Variants in LITAF observed in about 807,000 individuals in gnomAD.
The protein encoded by LITAF is lipopolysaccharide induced TNF factor.
In LITAF, 9 loss-of-function variants were observed where a neutral mutation model predicts 14.5. The observed-to-expected ratio is 0.62, with a 90% CI of 0.37 to 1.08. The LOEUF is 1.08. LITAF is among the 50% of genes least tolerant of loss of function. The pLI, the probability that LITAF is intolerant of heterozygous loss-of-function variation, is 0.01. For missense variants in LITAF, 206 were observed against 213.4 expected (o/e 0.97, Z 0.22); for synonymous variants, 98 against 88.2 (o/e 1.11, Z -0.62).
intron 1 of LITAF, among the ~76,000 whole-genome samples, chr16:11,567,706 C>A (rs2064475031): frequency 1.3e-5 from 2 of 151,700 alleles, no homozygotes; most frequent in African/African-American, 4.8e-5. Flanking sequence ...AGTTCCAGGC[C>A]GGGCATGGTG....
intron 2 of LITAF, among the ~76,000 whole-genome samples, chr16:11,555,127 G>C (rs1012393857): frequency 6.6e-6 from 1 of 151,900 alleles, no homozygotes; most frequent in African/African-American, 2.4e-5. Context: ...CAACCTCCTG[G>C]GCTTAAGCAA....
intron 3 of LITAF, among the ~76,000 whole-genome samples, chr16:11,607,274 T>G (rs149608394): frequency 6.6e-6 from 1 of 152,360 alleles, no homozygotes. Context: ...AATGTGATAC[T>G]CACTATCATG....
chr16:11,567,237 T>G (rs2141768935), intron 1 of LITAF, among the ~76,000 whole-genome samples: 1 of 152,052 alleles, frequency 6.6e-6, no homozygotes, highest in South Asian at 2.1e-4. Flanking sequence ...CTGGCCAACA[T>G]GGCAAAACCT....
intron 1 of LITAF, among the ~76,000 whole-genome samples, chr16:11,574,905 C>T (rs188447313): frequency 4.9e-4 from 75 of 152,198 alleles, no homozygotes; most frequent in African/African-American, 1.8e-3. Context: ...CAGGTTCAAG[C>T]GATTCTCCTG....
intron 3 of LITAF, among the ~76,000 whole-genome samples, chr16:11,607,071 C>T (rs563655257): frequency 1.3e-3 from 197 of 152,340 alleles, no homozygotes; most frequent in African/African-American, 4.5e-3. Context: ...AGTAAATCCA[C>T]ATCCTCACCC....
In LITAF at chr16:11,549,480, G is replaced by A; in HGVS notation, c.*157C>T. On this transcript the variant is annotated 3_prime_UTR_variant, in exon 4 of 4. Transcript: ENST00000622633. The surrounding 1 kb of genome is among the most constrained non-coding windows in gnomAD (Gnocchi z 4.6). ...AGCAATTTCTGGGGTTTGGAGATTTGTTAGTTTTGCGACGTATTCCCCCCA... is the reference window on the plus strand; with the variant it reads ...AGCAATTTCTGGGGTTTGGAGATTTATTAGTTTTGCGACGTATTCCCCCCA... 1.5e-6 allele frequency: 1 copy of A among 685,966 alleles called. No homozygotes were observed. Among genetic ancestry groups the A allele is most frequent in the Non-Finnish European group, 2.7e-6 (1 of 374,978 alleles). The allele number at this position is 685,966 out of a possible 1,614,324, so 42.5% of individuals were successfully genotyped here.
upstream of LITAF, among the ~76,000 whole-genome samples, chr16:11,638,113 T>G (rs570620219): frequency 1.8e-3 from 115 of 64,938 alleles, 25 homozygotes; most frequent in African/African-American, 0.013. Flanking sequence ...TATATATCTA[T>G]CTATATAGAT....
At chr16:11,575,081 G>A (rs1476992728) in intron 1 of LITAF, among the ~76,000 whole-genome samples, 1 of 152,146 alleles carries the variant, frequency 6.6e-6, no homozygotes, top group Non-Finnish European at 1.5e-5. Flanking sequence ...GGCATTACAG[G>A]CGTGAGCCAC....
At chr16:11,609,963 TAC>T (rs1313522691) in intron 3 of LITAF, among the ~76,000 whole-genome samples, 3 of 152,198 alleles carry the variant, frequency 2.0e-5, no homozygotes, top group African/African-American at 4.8e-5. Flanking sequence ...GCCTGTCATT[TAC>T]AGTTTCAAGG....
At position 11,553,295 on chromosome 16, in the gene LITAF, C is replaced by T. The variant is rs1270087198; in HGVS notation, c.377+238G>A. On this transcript the variant is annotated intron_variant, in intron 3 of 3. Transcript: ENST00000622633. The surrounding 1 kb of genome is among the most constrained non-coding windows in gnomAD (Gnocchi z 7.7). ...GCGTGGTTGTGCACCCCTATAATCC[C>T]AGCTACACGGGACGCTAAGGCAGGA... The T allele has an allele frequency of 2.0e-6, 1 of 499,072 alleles. No individual in the cohort carries two copies. Among genetic ancestry groups the T allele is most frequent in the East Asian group, 3.7e-5 (1 of 26,682 alleles). 30.9% of individuals were successfully genotyped at this position (499,072 alleles called of 1,614,324 possible).
upstream of LITAF, among the ~76,000 whole-genome samples, chr16:11,587,850 G>C (rs777714748): frequency 1.1e-4 from 17 of 152,186 alleles, no homozygotes; most frequent in Non-Finnish European, 2.4e-4. Context: ...ACAGAGTCAG[G>C]AGATGGGCAG....
chr16:11,568,099 G>A (rs2064483058), intron 1 of LITAF, among the ~76,000 whole-genome samples: 1 of 152,050 alleles, frequency 6.6e-6, no homozygotes, highest in African/African-American at 2.4e-5. Context: ...ACCAGCCTGG[G>A]CAACACAATG....
At chr16:11,556,035 G>A (rs1276162262) in intron 2 of LITAF, among the ~76,000 whole-genome samples, 1 of 152,196 alleles carries the variant, frequency 6.6e-6, no homozygotes. Context: ...AAGCACCAAA[G>A]GACAGGGACC....
chr16:11,603,356 G>A (rs949284475), upstream of LITAF, among the ~76,000 whole-genome samples: 1 of 152,200 alleles, frequency 6.6e-6, no homozygotes, highest in Non-Finnish European at 1.5e-5. Context: ...CTGTCAGCAG[G>A]CTTTTGAGGT....
At chr16:11,623,577 T>A (rs2065064177) in intron 3 of LITAF, among the ~76,000 whole-genome samples, 2 of 151,902 alleles carry the variant, frequency 1.3e-5, no homozygotes, top group Admixed American at 1.3e-4. Context: ...GGAGAATCGC[T>A]TGAACCCAGG....
At chr16:11,618,706 C>T (rs1270124751) in intron 3 of LITAF, among the ~76,000 whole-genome samples, 1 of 152,138 alleles carries the variant, frequency 6.6e-6, no homozygotes, top group South Asian at 2.1e-4. Flanking sequence ...CCGCACTGGC[C>T]GGCCGCGGGG....
intron 1 of LITAF, among the ~76,000 whole-genome samples, chr16:11,595,303 T>C (rs1405827626): frequency 6.6e-6 from 1 of 152,184 alleles, no homozygotes; most frequent in Non-Finnish European, 1.5e-5. Context: ...CCAACCCCAA[T>C]TCTGGCTCAG....
At chr16:11,631,429 T>A (rs1480649804) in intron 3 of LITAF, among the ~76,000 whole-genome samples, 1 of 152,172 alleles carries the variant, frequency 6.6e-6, no homozygotes, top group Non-Finnish European at 1.5e-5. Flanking sequence ...AGGGTCTCAC[T>A]CTGTTGCCCA....
chr16:11,618,993 C>G (rs934678654), intron 3 of LITAF, among the ~76,000 whole-genome samples: 1 of 107,668 alleles, frequency 9.3e-6, no homozygotes, highest in Non-Finnish European at 1.8e-5. Flanking sequence ...AAAAAAAAAA[C>G]AAAACAAACA....
Sources: gnomAD v4.1 joint callset for allele counts (sites outside exome capture counted in the v4.1 genomes callset) on GRCh38, gnomAD v4.1.1 for gene constraint, Gnocchi (gnomAD v3.1) non-coding constraint, MANE v1.5 for transcripts, NCBI Gene and HGNC (gene_info 2026-07-23, HGNC 2026-07-21) for gene names.